The following RGSL1 variants were observed in gnomAD, a reference collection of about 807,000 sequenced individuals.
RGSL1 encodes the protein regulator of G protein signaling protein-like.
A neutral mutation model predicts 124.7 loss-of-function variants in RGSL1; 97 were observed. The observed-to-expected ratio is 0.78, with a 90% CI of 0.66 to 0.92. The LOEUF is 0.92. Ranked by LOEUF, RGSL1 falls within the 40% of genes least tolerant of loss-of-function variation. RGSL1 has a pLI of 0.00. For missense variants in RGSL1, 1,233 were observed against 1,288.4 expected, an observed-to-expected ratio of 0.96 and a Z score of 0.66; for synonymous variants, 424 against 438.1, an observed-to-expected ratio of 0.97 and a Z score of 0.40.
chr1:182,560,449 T>C lies in RGSL1; in HGVS notation c.*336T>C, dbSNP rs7546603. Reference sequence around the variant, plus strand: ...ATACACACGTATGAAAATACATCTATCCCTCATTTTGAGAGCCTCCAACTG... The same window carrying C: ...ATACACACGTATGAAAATACATCTACCCCTCATTTTGAGAGCCTCCAACTG... On this transcript the variant is annotated 3_prime_UTR_variant, in exon 22 of 22. Transcript: ENST00000294854. The C allele has an allele frequency of 0.079, 11,967 of 152,118 alleles. 493 individuals carry two copies. Among genetic ancestry groups the C allele is most frequent in the East Asian group, 0.15 (762 of 5,160 alleles). The allele number at this position is 152,118 out of a possible 1,614,324, so 9.4% of individuals were successfully genotyped here. A position where few individuals can be genotyped will look rare whatever the true frequency, so the allele number is the denominator to read the frequency against.
chr1:182,543,690 CTT>C lies in RGSL1; in HGVS notation c.2669+3270_2669+3271del, dbSNP rs891356725. Among the ~76,000 whole-genome samples, 11 of 152,012 alleles carry C rather than the reference CTT, an allele frequency of 7.2e-5. No homozygotes were observed. In the South Asian group the frequency reaches 1.2e-3, roughly 17 times the overall value. On this transcript the variant is annotated intron_variant, in intron 15 of 21. Coordinates refer to ENST00000294854, the MANE Select transcript of RGSL1 (RefSeq NM_001137669.2). ...TCCTGGCATTTTCTTTGACGGGAAA[CTT>C]ATTATGGCTTCAATCTTGTTACTCA...
intron 21 of RGSL1, among the ~76,000 whole-genome samples, chr1:182,559,167 A>G (rs939799814): frequency 1.3e-5 from 2 of 152,110 alleles, no homozygotes; most frequent in Non-Finnish European, 2.9e-5. Context: ...TTACCTTCTT[A>G]CAACGCACTC....
intron 21 of RGSL1, among the ~76,000 whole-genome samples, chr1:182,556,944 GC>G (rs944498788): frequency 4.1e-4 from 63 of 152,188 alleles, no homozygotes; most frequent in African/African-American, 1.5e-3. Flanking sequence ...GGACTGGAAA[GC>G]TTTTTGGAGA....
Position 182,473,898 on chromosome 1 carries a change from T to C in RGSL1, c.787T>C (p.Ser263Pro), listed in dbSNP as rs374985240. 1.8e-4 allele frequency: 287 copies of C among 1,551,786 alleles called. 1 individual carries two copies. The highest frequency in any genetic ancestry group is 1.7e-4 in the Non-Finnish European group (195 of 1,147,030). The change falls in exon 6 of 22, where the codon TCT becomes CCT. Residue 263 changes from serine (S) to proline (P), a missense_variant. Physicochemically the swap from Ser to Pro is moderately conservative, Grantham distance 74. Coordinates refer to ENST00000294854, the MANE Select transcript of RGSL1 (RefSeq NM_001137669.2). Reference sequence around the variant, plus strand: ...GATGTGGCAATTGGTAGATCCTGACTCTTGGTCTCTGGAAATGGATCTCAA... The same window carrying C: ...GATGTGGCAATTGGTAGATCCTGACCCTTGGTCTCTGGAAATGGATCTCAA... ...RKMWQLVDPDSWSLEMDLKPD... is the reference protein window; with the variant it reads ...RKMWQLVDPDPWSLEMDLKPD...
chr1:182,530,301 T>A lies in RGSL1; in HGVS notation c.2183T>A (p.Val728Asp). The A allele has an allele frequency of 6.4e-7, 1 of 1,551,132 alleles. No individual in the cohort carries two copies. Among genetic ancestry groups the A allele is most frequent in the Non-Finnish European group, 8.7e-7 (1 of 1,146,602 alleles). The change falls in exon 12 of 22, where the codon GTC (valine) becomes GAC (aspartate). Residue 728 changes from valine to aspartate, a missense_variant. Coordinates refer to ENST00000294854, the MANE Select transcript of RGSL1 (RefSeq NM_001137669.2). ...AAAGAAATCGCTTCCATGCGTCATG[T>A]CACCACAAGCACACTGTTAACGCTC... Reference protein sequence around the residue: ...IIKEIASMRHVTTSTLLTLQG... With the variant: ...IIKEIASMRHDTTSTLLTLQG...
intron 4 of RGSL1, among the ~76,000 whole-genome samples, chr1:182,466,964 C>A (rs540052889): frequency 6.6e-6 from 1 of 152,180 alleles, no homozygotes; most frequent in Non-Finnish European, 1.5e-5. Flanking sequence ...CATTCTTATA[C>A]ACCAATAACA....
chr1:182,498,089 T>A (rs1320918767), intron 9 of RGSL1, among the ~76,000 whole-genome samples: 1 of 152,204 alleles, frequency 6.6e-6, no homozygotes, highest in African/African-American at 2.4e-5. Flanking sequence ...TCATGATTAA[T>A]AAGTATTGTG....
chr1:182,528,466 T>C (rs1178824376), intron 11 of RGSL1, among the ~76,000 whole-genome samples: 1 of 152,158 alleles, frequency 6.6e-6, no homozygotes, highest in East Asian at 1.9e-4. Context: ...GCAAGTCCCT[T>C]CCACCTGTGA....
chr1:182,535,285 T>C (rs1251551536), intron 14 of RGSL1, among the ~76,000 whole-genome samples: 1 of 152,202 alleles, frequency 6.6e-6, no homozygotes, highest in Non-Finnish European at 1.5e-5. Flanking sequence ...TCATACTCTT[T>C]CTATAGTTTC....
chr1:182,526,239 G>A (rs1658732318), intron 10 of RGSL1, among the ~76,000 whole-genome samples: 1 of 152,138 alleles, frequency 6.6e-6, no homozygotes, highest in African/African-American at 2.4e-5. Context: ...TATTCTATGA[G>A]GCCAGTATTT....
At chr1:182,519,038 A>AT (rs1345937384) in intron 9 of RGSL1, among the ~76,000 whole-genome samples, 1 of 148,818 alleles carries the variant, frequency 6.7e-6, no homozygotes, top group Non-Finnish European at 1.5e-5. Flanking sequence ...TAATTTCTAT[A>AT]TTTTTTCTCT....
chr1:182,479,410 TAA>T (rs964011547), intron 6 of RGSL1, among the ~76,000 whole-genome samples: 7 of 152,178 alleles, frequency 4.6e-5, no homozygotes, highest in Admixed American at 6.5e-5. Flanking sequence ...TAAAGCAATT[TAA>T]GTTAAGTTGT....
chr1:182,511,282 AG>A (rs1483374869), intron 9 of RGSL1, among the ~76,000 whole-genome samples: 9 of 152,106 alleles, frequency 5.9e-5, no homozygotes, highest in African/African-American at 1.7e-4. Flanking sequence ...CTCCTGCCTC[AG>A]CCTCCCAAGT....
chr1:182,529,277 A>AACTAGCTTG (rs1405579365), intron 11 of RGSL1, among the ~76,000 whole-genome samples: 5 of 152,364 alleles, frequency 3.3e-5, no homozygotes, highest in African/African-American at 1.2e-4. Flanking sequence ...CAGAGAGGTT[A>AACTAGCTTG]ACTAGCTTGT....
rs892717190 is a variant in RGSL1, at chr1:182,552,329, T to G, written c.3043+1120T>G. 6.6e-5 allele frequency among the ~76,000 whole-genome samples: 10 copies of G among 152,148 alleles called. 1 individual carries two copies. Among genetic ancestry groups the G allele is most frequent in the Non-Finnish European group, 1.3e-4 (9 of 68,036 alleles). Reference sequence around the variant, plus strand: ...GGGGGTTTCACCATGTTAGCCAGGATGGTCTCGATCTCCTGACCTTGTGAT... The same window carrying G: ...GGGGGTTTCACCATGTTAGCCAGGAGGGTCTCGATCTCCTGACCTTGTGAT... On this transcript the variant is annotated intron_variant, in intron 18 of 21. Coordinates refer to ENST00000294854, the MANE Select transcript of RGSL1 (RefSeq NM_001137669.2).
intron 9 of RGSL1, among the ~76,000 whole-genome samples, chr1:182,521,725 A>C (rs1408377344): frequency 6.6e-6 from 1 of 152,200 alleles, no homozygotes; most frequent in East Asian, 1.9e-4. Flanking sequence ...GACATTAACT[A>C]ATGTAACGAG....
At chr1:182,509,915 T>C (rs1411575988) in intron 9 of RGSL1, among the ~76,000 whole-genome samples, 9 of 139,184 alleles carry the variant, frequency 6.5e-5, no homozygotes, top group Non-Finnish European at 1.4e-4. Flanking sequence ...GCTCCTCACT[T>C]CTCAGACGGG....
rs1307295069 is a variant in RGSL1 at position 182,509,545 on chromosome 1, C to T, written c.1826-12459C>T. 5.8e-4 allele frequency among the ~76,000 whole-genome samples: 64 copies of T among 109,852 alleles called. 2 individuals carry two copies. Among genetic ancestry groups the T allele is most frequent in the South Asian group, 1.5e-3 (5 of 3,238 alleles). 72.1% of individuals were successfully genotyped at this position (109,852 alleles called of 152,430 possible). A position where few individuals can be genotyped will look rare whatever the true frequency, so the allele number is the denominator to read the frequency against. ...GCAGCTGGCCGGGTGGGGGGGCTGA[C>T]GCCCCCATCTCCCTCCCGGACGGGG... On this transcript the variant is annotated intron_variant, in intron 9 of 21. Transcript: ENST00000294854.
In RGSL1 at chr1:182,488,995, A is replaced by C. The variant is rs1558294440; in HGVS notation, c.1510A>C (p.Ile504Leu). 1 of 1,550,852 alleles carries C rather than the reference A, an allele frequency of 6.4e-7. No homozygotes were observed. The highest frequency in any genetic ancestry group is 8.7e-7 in the Non-Finnish European group (1 of 1,146,982). The change falls in exon 8 of 22, where the codon ATC becomes CTC. Residue 504 changes from isoleucine (I) to leucine (L), a missense_variant. Transcript: ENST00000294854. ...FLLFTTQNRF[I>L]SSRQHKREFI... ...CTTCTCTTAGACACAGAACAGGTTC[A>C]TCAGCTCCAGACAGCATAAAAGAGA...
Sources: allele counts gnomAD v4.1 joint callset (sites outside exome capture counted in the v4.1 genomes callset), GRCh38; gene constraint gnomAD v4.1.1; transcripts MANE v1.5; gene names NCBI Gene and HGNC (gene_info 2026-07-23, HGNC 2026-07-21).